Variants in MBP observed in about 807,000 individuals in gnomAD.
The protein encoded by MBP is Golli-MBP.
Under a neutral mutation model 35.8 loss-of-function variants are expected in MBP, and 16 were observed. The ratio of observed to expected loss-of-function variants is 0.45; its 90% CI spans 0.30 to 0.68. The LOEUF (loss-of-function observed/expected upper bound fraction) is 0.68. Among genes scored for constraint, MBP ranks in the 30% least tolerant of loss-of-function variants. MBP has a pLI of 0.08. For synonymous variants in MBP, 143 were observed against 159.6 expected (o/e 0.90, Z 0.78); for missense variants, 380 against 404.7 (o/e 0.94, Z 0.52).
chr18:77,102,366 A>T lies in MBP; in HGVS notation c.51+2845T>A, dbSNP rs1259541602. Among the ~76,000 whole-genome samples the T allele has an allele frequency of 1.3e-5, 2 of 152,202 alleles. No individual in the cohort carries two copies. Among genetic ancestry groups the T allele is most frequent in the Admixed American group, 1.3e-4 (2 of 15,292 alleles). ...ACAGAAATGTGCAGAGTGGTAGGTG[A>T]CACGGCTGGAGCTCATGTCACGTTT... On this transcript the variant is annotated intron_variant, in intron 2 of 8. Coordinates refer to ENST00000355994, the MANE Select transcript of MBP (RefSeq NM_001025101.2). The surrounding 1 kb of genome is among the most constrained non-coding windows in gnomAD (Gnocchi z 4.4).
intron 3 of MBP, among the ~76,000 whole-genome samples, chr18:77,058,975 C>A (rs1973852944): frequency 1.3e-5 from 2 of 150,740 alleles, no homozygotes; most frequent in South Asian, 4.2e-4. Context: ...CACCAACTTA[C>A]AACCCCCTGA....
At chr18:77,130,757 T>C (rs2145272747) in intron 1 of MBP, among the ~76,000 whole-genome samples, 1 of 151,320 alleles carries the variant, frequency 6.6e-6, no homozygotes, top group Admixed American at 6.6e-5. Context: ...GGACCACCAC[T>C]GACCAAACTC....
intron 4 of MBP, among the ~76,000 whole-genome samples, chr18:77,007,217 C>G (rs1205310781): frequency 1.3e-5 from 2 of 152,386 alleles, no homozygotes; most frequent in East Asian, 3.9e-4. Context: ...CTGGTGCCCT[C>G]ACAGCCACTT....
At chr18:77,095,522 T>C (rs1975723144) in intron 2 of MBP, 1 of 152,220 alleles carries the variant, frequency 6.6e-6, no homozygotes, top group Non-Finnish European at 1.5e-5. Context: ...CGGAAGGAAG[T>C]GACTTTCTGA....
intron 4 of MBP, among the ~76,000 whole-genome samples, chr18:76,999,691 C>G (rs988100551): frequency 1.2e-4 from 19 of 152,114 alleles, no homozygotes; most frequent in African/African-American, 4.3e-4. Flanking sequence ...TCAAGCAATC[C>G]ACCCACCTTG....
chr18:77,095,088 T>G (rs1197320399), intron 2 of MBP, among the ~76,000 whole-genome samples: 3 of 152,220 alleles, frequency 2.0e-5, no homozygotes, highest in Non-Finnish European at 2.9e-5. Context: ...AATATTCTGC[T>G]ATTGAGTTCA....
At chr18:77,070,309 G>A (rs1375142838) in intron 2 of MBP, among the ~76,000 whole-genome samples, 1 of 152,182 alleles carries the variant, frequency 6.6e-6, no homozygotes, top group African/African-American at 2.4e-5. Flanking sequence ...TCAAGCAAGG[G>A]TGCCTCCTTC....
intron 4 of MBP, among the ~76,000 whole-genome samples, chr18:77,009,000 C>T (rs541512260): frequency 1.1e-4 from 17 of 152,368 alleles, no homozygotes; most frequent in African/African-American, 3.6e-4. Flanking sequence ...GAAATGTTCT[C>T]GCTATTTAGG....
intron 3 of MBP, among the ~76,000 whole-genome samples, chr18:77,058,476 G>A (rs1973832603): frequency 6.6e-6 from 1 of 152,068 alleles, no homozygotes; most frequent in African/African-American, 2.4e-5. Flanking sequence ...CCCCAGGCAC[G>A]ACCCCAGGCC....
rs755388710 is a variant in MBP at position 76,984,836 on chromosome 18, G to A, written c.809C>T (p.Ser270Leu). 7 of 1,614,100 alleles carry A rather than the reference G, an allele frequency of 4.3e-6. No homozygotes were observed. The South Asian group carries it at 4.4e-5, about 10-fold the overall frequency. The change falls in exon 8 of 9, where the codon TCG becomes TTG. Residue 270 changes from serine to leucine, a missense_variant. Transcript: ENST00000355994. ...GACTCCCTTGAATCCCTTGTGAGCC[G>A]ATTTATAGTCGGACGCTCTGCCTCC... The part of the protein sequence containing the change: ...GYGGRASDYK[S>L]AHKGFKGVDA...
chr18:77,118,624 ACACACACACACACACTACACAC>A (rs1306634037), intron 1 of MBP, among the ~76,000 whole-genome samples: 27 of 128,402 alleles, frequency 2.1e-4, no homozygotes, highest in African/African-American at 6.6e-4. Context: ...ACACACACAC[ACACACACACACACACTACACAC>A]CACACACACA....
At chr18:77,004,842 C>A (rs1213085236) in intron 4 of MBP, 1 of 152,280 alleles carries the variant, frequency 6.6e-6, no homozygotes, top group African/African-American at 2.4e-5. Flanking sequence ...AGGCTGGATG[C>A]AGAGATTCAG....
Position 77,066,311 on chromosome 18 carries a change from G to C in MBP, c.126C>G (p.Asp42Glu). 8 of 1,613,918 alleles carry C rather than the reference G, an allele frequency of 5.0e-6. No homozygotes were observed. Among genetic ancestry groups the C allele is most frequent in the Non-Finnish European group, 6.8e-6 (8 of 1,179,836 alleles). Residue 42 changes from aspartate (D) to glutamate (E), a missense_variant, in exon 3 of 9, where the codon GAC (aspartate) becomes GAG (glutamate). Transcript: ENST00000355994. ...LGELSRTTSE[D>E]NEVFGEADAN... ...TGCGTCACCTACCGAACACTTCGTT[G>C]TCCTCTGAGGTTGTCCGTGAAAGTT...
In MBP at chr18:77,016,899, C is replaced by T; in HGVS notation, c.509G>A (p.Gly170Asp). The T allele has an allele frequency of 6.2e-7, 1 of 1,614,242 alleles. No homozygotes were observed. Among genetic ancestry groups the T allele is most frequent in the East Asian group, 2.2e-5 (1 of 44,884 alleles). Reference sequence around the variant, plus strand: ...GAAGCGCCCGATGGAGTCAAGGATGCCCGTGTCTCTGTGCCTTGGGAGGAA... The same window carrying T: ...GAAGCGCCCGATGGAGTCAAGGATGTCCGTGTCTCTGTGCCTTGGGAGGAA... ...HGFLPRHRDT[G>D]ILDSIGRFFG... Residue 170 changes from glycine (G) to aspartate (D), a missense_variant, in exon 4 of 9, where the codon GGC becomes GAC. Transcript: ENST00000355994.
At chr18:76,996,497 A>C (rs931167019) in intron 4 of MBP, among the ~76,000 whole-genome samples, 1 of 152,252 alleles carries the variant, frequency 6.6e-6, no homozygotes, top group Admixed American at 6.5e-5. Context: ...GGCTGAAGGG[A>C]TAAACACACT....
chr18:76,988,109 A>T lies in MBP; in HGVS notation c.750+386T>A. 6.6e-7 allele frequency: 1 copy of T among 1,513,066 alleles called. No individual in the cohort carries two copies. The allele number at this position is 1,513,066 out of a possible 1,614,324, so 93.7% of individuals were successfully genotyped here. On this transcript the variant is annotated intron_variant, in intron 7 of 8. Transcript: ENST00000355994. The surrounding 1 kb of genome is among the most constrained non-coding windows in gnomAD (Gnocchi z 5.2). ...CTGGGGTCACTGAGACGGGCCAGCC[A>T]GTCCCACTTCCACATGCGGGTTCCT...
intron 4 of MBP, among the ~76,000 whole-genome samples, chr18:77,010,892 C>CAG (rs972021569): frequency 1.3e-5 from 2 of 152,088 alleles, no homozygotes; most frequent in African/African-American, 2.4e-5. Context: ...AAAATGAAGA[C>CAG]AGAGAGAGAA....
rs1971558164 is a variant in MBP, at chr18:77,015,252, A to G, written c.576+1580T>C. ...TATCCAGTGATTTCATCTTTTCTGCACAGTTTAAGTACATTTTTTTTTTCT... is the reference window on the plus strand; with the variant it reads ...TATCCAGTGATTTCATCTTTTCTGCGCAGTTTAAGTACATTTTTTTTTTCT... On this transcript the variant is annotated intron_variant, in intron 4 of 8. Transcript: ENST00000355994. 9.2e-6 allele frequency: 9 copies of G among 979,698 alleles called. No homozygotes were observed. The South Asian group carries it at 3.8e-4, about 41-fold the overall frequency. 60.7% of individuals were successfully genotyped at this position (979,698 alleles called of 1,614,324 possible). A position where few individuals can be genotyped will look rare whatever the true frequency, so the allele number is the denominator to read the frequency against.
At position 77,101,670 on chromosome 18, in the gene MBP, A is replaced by C. The variant is rs74880871; in HGVS notation, c.51+3541T>G. Among the ~76,000 whole-genome samples the C allele has an allele frequency of 8.4e-4, 128 of 151,966 alleles. 1 individual carries two copies. Among genetic ancestry groups the C allele is most frequent in the African/African-American group, 2.7e-3 (112 of 41,528 alleles). ...TCCAGAAAAGTGTCTTTTTTTCACC[A>C]ATCAGAGACATTCCACAGTTAACCC... On this transcript the variant is annotated intron_variant, in intron 2 of 8. Coordinates refer to ENST00000355994, the MANE Select transcript of MBP (RefSeq NM_001025101.2). This position sits in a 1 kb window ranked among gnomAD's most constrained non-coding sequence, Gnocchi z 4.3.
Sources: allele counts gnomAD v4.1 joint callset (sites outside exome capture counted in the v4.1 genomes callset), GRCh38; gene constraint gnomAD v4.1.1; non-coding constraint Gnocchi (gnomAD v3.1); transcripts MANE v1.5; gene names NCBI Gene and HGNC (gene_info 2026-07-23, HGNC 2026-07-21).